KYNU: variants seen among roughly 807,000 people sequenced by gnomAD.
KYNU encodes the protein L-kynurenine hydrolase.
A neutral mutation model predicts 59.2 loss-of-function variants in KYNU; 54 were observed. The observed-to-expected ratio is 0.91, with a 90% confidence interval of 0.73 to 1.14. The LOEUF (loss-of-function observed/expected upper bound fraction) is 1.14, where lower values mean the gene tolerates loss of function less well. KYNU is among the 50% of genes most tolerant of loss of function. The probability of loss-of-function intolerance (pLI) is 0.00; values close to 1 mark genes in which losing one functional copy is unlikely to be tolerated. For missense variants in KYNU, 567 were observed against 554.4 expected (o/e 1.02, Z -0.23); for synonymous variants, 177 against 192.0 (o/e 0.92, Z 0.65).
At chr2:142,906,895 G>A (rs529100394) in intron 2 of KYNU, among the ~76,000 whole-genome samples, 9 of 152,280 alleles carry the variant, frequency 5.9e-5, no homozygotes, top group African/African-American at 9.6e-5. Flanking sequence ...TGTGAAAGTG[G>A]AAGCTGGTTC....
intron 10 of KYNU, among the ~76,000 whole-genome samples, chr2:142,998,809 C>T (rs2105182338): frequency 6.6e-6 from 1 of 152,006 alleles, no homozygotes; most frequent in East Asian, 1.9e-4. Flanking sequence ...GAGATTGAGA[C>T]CATCCTGGCC....
intron 10 of KYNU, among the ~76,000 whole-genome samples, chr2:143,006,192 G>T (rs978129246): frequency 2.6e-5 from 4 of 152,120 alleles, no homozygotes; most frequent in African/African-American, 9.6e-5. Context: ...CAGGCCAGTG[G>T]GTGCACGCAC....
intron 2 of KYNU, among the ~76,000 whole-genome samples, chr2:142,893,917 T>C (rs1347749467): frequency 1.3e-5 from 2 of 152,160 alleles, no homozygotes; most frequent in Non-Finnish European, 2.9e-5. Context: ...TTCCATATTT[T>C]TGGGCAATAT....
In KYNU at chr2:143,053,470, G is replaced by C. The variant is rs1042680097; in HGVS notation, c.*11298G>C. On this transcript the variant is annotated 3_prime_UTR_variant, in exon 14 of 14. Transcript: ENST00000264170. Reference sequence around the variant, plus strand: ...TGAGAACATTTAAGAGGGGCCAGGGGCAGAATGATATGGTTTGACTTTGTC... The same window carrying C: ...TGAGAACATTTAAGAGGGGCCAGGGCCAGAATGATATGGTTTGACTTTGTC... 6.6e-6 allele frequency: 1 copy of C among 152,200 alleles called. No individual in the cohort carries two copies. Among genetic ancestry groups the C allele is most frequent in the African/African-American group, 2.4e-5 (1 of 41,444 alleles). 9.4% of individuals were successfully genotyped at this position (152,200 alleles called of 1,614,324 possible).
At chr2:143,035,692 A>G (rs960602154) in intron 12 of KYNU, among the ~76,000 whole-genome samples, 1 of 152,224 alleles carries the variant, frequency 6.6e-6, no homozygotes, top group African/African-American at 2.4e-5. Context: ...CTGGGGTTCA[A>G]GTGATCCTCC....
chr2:142,910,609 T>G (rs558813588), intron 2 of KYNU, among the ~76,000 whole-genome samples: 4 of 152,292 alleles, frequency 2.6e-5, no homozygotes, highest in Admixed American at 2.6e-4. Context: ...GGGGGGTTTT[T>G]GCAATTGTTA....
At chr2:143,041,927 C>T (rs926126126) in intron 13 of KYNU, 120 bp from the exon 14 acceptor site, 5 of 974,690 alleles carry the variant, frequency 5.1e-6, no homozygotes, top group Non-Finnish European at 7.8e-6. Context: ...AAAAATTTTG[C>T]ATATATATTA....
chr2:142,898,113 C>G (rs1285024002), intron 2 of KYNU, among the ~76,000 whole-genome samples: 2 of 152,096 alleles, frequency 1.3e-5, no homozygotes, highest in African/African-American at 2.4e-5. Flanking sequence ...CTCCTGGGCT[C>G]AAGTGATCTG....
rs76945414 is a variant in KYNU at position 142,882,436 on chromosome 2, C to T, written c.-19-2913C>T. On this transcript the variant is annotated intron_variant, in intron 1 of 13. Transcript: ENST00000264170. ...TGTCAGTTTGCTGCACCCATTAACTCGTCATTTACATTACATATTTCTCCT... is the reference window on the plus strand; with the variant it reads ...TGTCAGTTTGCTGCACCCATTAACTTGTCATTTACATTACATATTTCTCCT... 4.7e-3 allele frequency among the ~76,000 whole-genome samples: 712 copies of T among 152,026 alleles called. 6 individuals carry two copies. The highest frequency in any genetic ancestry group is 0.016 in the African/African-American group (681 of 41,432).
At chr2:142,916,539 C>T (rs1336397766) in intron 2 of KYNU, among the ~76,000 whole-genome samples, 5 of 152,164 alleles carry the variant, frequency 3.3e-5, no homozygotes. Context: ...CAGATCCTGC[C>T]TGCTGGGTAT....
At chr2:142,963,185 C>G (rs977811981) in intron 8 of KYNU, among the ~76,000 whole-genome samples, 1 of 151,986 alleles carries the variant, frequency 6.6e-6, no homozygotes, top group Non-Finnish European at 1.5e-5. Flanking sequence ...CCAAAAACAG[C>G]ATGAATCATA....
chr2:142,957,788 TTTA>T (rs1684219632), intron 7 of KYNU, 73 bp downstream of exon 7: 1 of 960,704 alleles, frequency 1.0e-6, no homozygotes, highest in Non-Finnish European at 1.7e-6. Context: ...TCCTCAAAAG[TTTA>T]TTAAAATCTT....
chr2:142,955,398 T>C (rs1379305712), intron 5 of KYNU, among the ~76,000 whole-genome samples: 1 of 152,080 alleles, frequency 6.6e-6, no homozygotes, highest in African/African-American at 2.4e-5. Flanking sequence ...CTATTATCTA[T>C]TAGGGATATT....
chr2:142,991,410 TGA>T (rs1443038874), intron 10 of KYNU, among the ~76,000 whole-genome samples: 1 of 151,922 alleles, frequency 6.6e-6, no homozygotes, highest in Non-Finnish European at 1.5e-5. Context: ...TGCTTTCAAA[TGA>T]GATAGACCAG....
chr2:142,882,522 C>T (rs1281826084), intron 1 of KYNU, among the ~76,000 whole-genome samples: 1 of 152,078 alleles, frequency 6.6e-6, no homozygotes, highest in African/African-American at 2.4e-5. Context: ...ATGTTCCCCG[C>T]CCTGTGTCCA....
At chr2:143,032,965 C>A (rs938714467) in intron 11 of KYNU, among the ~76,000 whole-genome samples, 1 of 152,038 alleles carries the variant, frequency 6.6e-6, no homozygotes, top group African/African-American at 2.4e-5. Context: ...AGAATGAGAT[C>A]CAGAAAAACT....
intron 2 of KYNU, among the ~76,000 whole-genome samples, chr2:142,904,013 T>TA (rs1682199325): frequency 6.6e-6 from 1 of 152,194 alleles, no homozygotes. Context: ...ATCTCTATTA[T>TA]AAAAAACCGA....
intron 10 of KYNU, among the ~76,000 whole-genome samples, chr2:143,029,119 AAAT>A (rs1302044388): frequency 1.3e-5 from 2 of 152,214 alleles, no homozygotes; most frequent in Non-Finnish European, 2.9e-5. Flanking sequence ...TTTCACACAA[AAAT>A]AATAATAGAG....
chr2:142,918,784 T>C (rs1682768701), intron 3 of KYNU, 55 bp downstream of exon 3: 3 of 1,547,136 alleles, frequency 1.9e-6, no homozygotes, highest in African/African-American at 1.4e-5. Flanking sequence ...ATTTACAAAA[T>C]CACATTAGGT....
Sources: allele counts gnomAD v4.1 joint callset (sites outside exome capture counted in the v4.1 genomes callset), GRCh38; gene constraint gnomAD v4.1.1; transcripts MANE v1.5; gene names NCBI Gene and HGNC (gene_info 2026-07-23, HGNC 2026-07-21).